Variants in CLTB observed in about 807,000 individuals in gnomAD.
CLTB encodes clathrin light chain B.
In CLTB, 10 loss-of-function variants were observed where a neutral mutation model predicts 30.5. The ratio of observed to expected loss-of-function variants is 0.33; its 90% CI spans 0.20 to 0.56. CLTB has a LOEUF of 0.56. Ranked by LOEUF, CLTB falls within the 20% of genes least tolerant of loss-of-function variation. The probability of loss-of-function intolerance (pLI) is 0.91; values close to 1 mark genes in which losing one functional copy is unlikely to be tolerated. For missense variants in CLTB, 261 were observed against 308.3 expected (o/e 0.85, Z 1.15); for synonymous variants, 102 against 120.3 (o/e 0.85, Z 1.00).
rs1386650857 is a variant in CLTB, at chr5:176,392,525, G to GA, written c.*248dup. 40 of 509,768 alleles carry GA rather than the reference G, an allele frequency of 7.8e-5. No individual in the cohort carries two copies. Among genetic ancestry groups the GA allele is most frequent in the South Asian group, 7.0e-4 (22 of 31,302 alleles). 31.6% of individuals were successfully genotyped at this position (509,768 alleles called of 1,614,324 possible). ...GTCAACAACACACCCTTTAAGCCAA[G>GA]AAAAAAAATACATCAGGAGGGACAG... On this transcript the variant is annotated 3_prime_UTR_variant, in exon 6 of 6. Transcript: ENST00000310418. The surrounding 1 kb of genome is among the most constrained non-coding windows in gnomAD (Gnocchi z 5.2).
intron 2 of CLTB, among the ~76,000 whole-genome samples, chr5:176,409,062 C>A (rs1757286300): frequency 6.6e-6 from 1 of 152,052 alleles, no homozygotes; most frequent in Non-Finnish European, 1.5e-5. Context: ...CCGCAACCTC[C>A]CACTCCCGGA....
intron 4 of CLTB, 31 bp downstream of exon 4, chr5:176,397,576 T>C (rs192015466): frequency 2.0e-4 from 105 of 519,616 alleles, no homozygotes; most frequent in Non-Finnish European, 3.4e-4. Context: ...CATGTCCCCA[T>C]GGCCCCCTCA....
chr5:176,402,523 C>A (rs1158561215), intron 2 of CLTB, among the ~76,000 whole-genome samples: 1 of 152,100 alleles, frequency 6.6e-6, no homozygotes, highest in Non-Finnish European at 1.5e-5. Context: ...TAGGGCTTCC[C>A]CTGCCTCCTG....
At chr5:176,412,962 C>T (rs888787273) in intron 1 of CLTB, among the ~76,000 whole-genome samples, 6 of 152,164 alleles carry the variant, frequency 3.9e-5, no homozygotes, top group African/African-American at 1.4e-4. Context: ...CACCCTACTC[C>T]GCCCTGACCA....
intron 1 of CLTB, among the ~76,000 whole-genome samples, chr5:176,414,142 A>T (rs965541425): frequency 7.9e-5 from 12 of 151,518 alleles, no homozygotes; most frequent in Non-Finnish European, 1.8e-4. Context: ...CCTCAGCAGG[A>T]CCTCCCCACA....
intron 2 of CLTB, among the ~76,000 whole-genome samples, chr5:176,402,457 C>T (rs1450925106): frequency 9.2e-5 from 14 of 152,206 alleles, no homozygotes; most frequent in Non-Finnish European, 4.4e-5. Flanking sequence ...TCTTGTATCC[C>T]CTCAGAGACT....
intron 2 of CLTB, chr5:176,406,079 A>G (rs564501881): frequency 2.4e-3 from 2,181 of 898,536 alleles, no homozygotes; most frequent in Non-Finnish European, 2.8e-3. Flanking sequence ...CTCAGAACTT[A>G]TTTTCCTGCC....
At position 176,397,829 on chromosome 5, in the gene CLTB, C is replaced by A. The variant is rs1756620330; in HGVS notation, c.352+101G>T. Reference sequence around the variant, plus strand: ...AGCCACAGGGCCGCACCGGCCCAGTCCCACATTAAGGCATGCAGCATCCCA... The same window carrying A: ...AGCCACAGGGCCGCACCGGCCCAGTACCACATTAAGGCATGCAGCATCCCA... On this transcript the variant is annotated intron_variant, in intron 3 of 5. Transcript: ENST00000310418. 4.8e-6 allele frequency: 7 copies of A among 1,472,822 alleles called. No individual in the cohort carries two copies. The East Asian group carries it at 1.6e-4, about 33-fold the overall frequency. 91.2% of individuals were successfully genotyped at this position (1,472,822 alleles called of 1,614,324 possible).
chr5:176,399,471 G>A (rs1756705745), intron 2 of CLTB, among the ~76,000 whole-genome samples: 1 of 152,168 alleles, frequency 6.6e-6, no homozygotes, highest in Admixed American at 6.5e-5. Flanking sequence ...GCTGGGCATG[G>A]TAGCTCATGC....
At chr5:176,410,406 G>GCA in intron 1 of CLTB, 103 bp from the exon 2 acceptor site, 1 of 852,816 alleles carries the variant, frequency 1.2e-6, no homozygotes, top group Non-Finnish European at 1.9e-6. Flanking sequence ...GTATACCCAT[G>GCA]TATATATCGA....
intron 1 of CLTB, 137 bp downstream of exon 1, chr5:176,416,040 A>G: frequency 1.3e-6 from 1 of 786,074 alleles, no homozygotes; most frequent in Non-Finnish European, 1.9e-6. Flanking sequence ...GAGATCTCCA[A>G]GAAGATTCTT....
chr5:176,399,814 A>G (rs1401188490), intron 2 of CLTB, among the ~76,000 whole-genome samples: 1 of 151,562 alleles, frequency 6.6e-6, no homozygotes, highest in Non-Finnish European at 1.5e-5. Flanking sequence ...GGAGGCGAAG[A>G]TTGCAGTGAG....
chr5:176,415,460 A>G (rs1018172768), intron 1 of CLTB, among the ~76,000 whole-genome samples: 5 of 152,156 alleles, frequency 3.3e-5, no homozygotes, highest in African/African-American at 9.7e-5. Context: ...AGGTGGGAGG[A>G]TTGCTTGAGC....
intron 2 of CLTB, among the ~76,000 whole-genome samples, chr5:176,398,382 C>G (rs991817575): frequency 6.6e-6 from 1 of 152,148 alleles, no homozygotes; most frequent in African/African-American, 2.4e-5. Flanking sequence ...ACAGTATGCA[C>G]TCTGATGGGA....
chr5:176,399,755 T>TTTAC (rs1241079178), intron 2 of CLTB, among the ~76,000 whole-genome samples: 2 of 149,260 alleles, frequency 1.3e-5, no homozygotes, highest in Non-Finnish European at 3.0e-5. Flanking sequence ...ATTAGCCAGG[T>TTTAC]GTAATGGCTG....
Position 176,392,710 on chromosome 5 carries a change from A to C in CLTB, c.*64T>G. 1 of 1,577,620 alleles carries C rather than the reference A, an allele frequency of 6.3e-7. No individual in the cohort carries two copies. Among genetic ancestry groups the C allele is most frequent in the Admixed American group, 1.7e-5 (1 of 59,412 alleles). The stretch of plus-strand genomic sequence containing the variant: ...CTGCTGCGAGTCTCCACCCCGACCA[A>C]AGCAGCTGCTCCTCCTGTGCCCAGG... On this transcript the variant is annotated 3_prime_UTR_variant, in exon 6 of 6. Transcript: ENST00000310418. This position sits in a 1 kb window ranked among gnomAD's most constrained non-coding sequence, Gnocchi z 5.2.
chr5:176,413,881 C>T (rs1757568533), intron 1 of CLTB, among the ~76,000 whole-genome samples: 1 of 152,188 alleles, frequency 6.6e-6, no homozygotes, highest in South Asian at 2.1e-4. Flanking sequence ...GCCTGGGAGA[C>T]CCTCAGAAGG....
intron 1 of CLTB, among the ~76,000 whole-genome samples, chr5:176,413,517 C>T (rs1581450635): frequency 1.3e-5 from 2 of 152,346 alleles, no homozygotes; most frequent in East Asian, 3.9e-4. Flanking sequence ...CAGGCCTACA[C>T]CAGATACCTC....
intron 2 of CLTB, among the ~76,000 whole-genome samples, chr5:176,403,951 G>C (rs1756972077): frequency 6.6e-6 from 1 of 151,004 alleles, no homozygotes; most frequent in Non-Finnish European, 1.5e-5. Flanking sequence ...GTAGAGACAG[G>C]GTTTCATCAT....
Sources: allele counts gnomAD v4.1 joint callset (sites outside exome capture counted in the v4.1 genomes callset), GRCh38; gene constraint gnomAD v4.1.1; non-coding constraint Gnocchi (gnomAD v3.1); transcripts MANE v1.5; gene names NCBI Gene and HGNC (gene_info 2026-07-23, HGNC 2026-07-21).